Variants in PIAS2 observed in about 807,000 individuals in gnomAD.
The protein encoded by PIAS2 is E3 SUMO-protein ligase PIAS2.
Under a neutral mutation model 69.7 loss-of-function variants are expected in PIAS2, and 19 were observed. That is an observed-to-expected ratio of 0.27 (90% confidence interval 0.19 to 0.40). The LOEUF is 0.40. Ranked by LOEUF, PIAS2 falls within the 10% of genes least tolerant of loss-of-function variation. The pLI is 1.00. For missense variants in PIAS2, 624 were observed against 757.0 expected (o/e 0.82, Z 2.06); for synonymous variants, 261 against 263.2 (o/e 0.99, Z 0.08).
chr18:46,892,441 A>G (rs929638924), intron 1 of PIAS2, among the ~76,000 whole-genome samples: 4 of 152,148 alleles, frequency 2.6e-5, no homozygotes, highest in South Asian at 2.1e-4. Flanking sequence ...ACAAATTAAT[A>G]GAAGACACAC....
intron 2 of PIAS2, among the ~76,000 whole-genome samples, chr18:46,888,399 T>C (rs1261313664): frequency 6.6e-6 from 1 of 152,044 alleles, no homozygotes; most frequent in African/African-American, 2.4e-5. Flanking sequence ...AAACTCATTC[T>C]AAAATTCACG....
intron 5 of PIAS2, among the ~76,000 whole-genome samples, chr18:46,849,116 T>C (rs1200292634): frequency 6.6e-6 from 1 of 152,072 alleles, no homozygotes; most frequent in Non-Finnish European, 1.5e-5. Flanking sequence ...CTCTGGAAAT[T>C]AGAATTTAAG....
At chr18:46,834,451 T>C (rs951922286) in intron 9 of PIAS2, among the ~76,000 whole-genome samples, 1 of 152,168 alleles carries the variant, frequency 6.6e-6, no homozygotes, top group Admixed American at 6.5e-5. Context: ...AGCAAAATCT[T>C]TTTTAAAAAA....
chr18:46,841,594 A>G (rs2045393710), intron 8 of PIAS2, among the ~76,000 whole-genome samples: 1 of 152,216 alleles, frequency 6.6e-6, no homozygotes, highest in Admixed American at 6.5e-5. Flanking sequence ...TATATACCAC[A>G]TATTACAGTT....
intron 13 of PIAS2, 57 bp from the exon 14 acceptor site, chr18:46,812,669 G>A (rs982678979): frequency 6.0e-5 from 64 of 1,061,334 alleles, no homozygotes; most frequent in Non-Finnish European, 8.1e-5. Context: ...TTTAAATAAA[G>A]AGACTAGAAA....
intron 1 of PIAS2, among the ~76,000 whole-genome samples, chr18:46,912,097 G>GA (rs1390880279): frequency 6.6e-6 from 1 of 150,978 alleles, no homozygotes. Context: ...AGGGAGGAGG[G>GA]AAAAACAAAG....
In PIAS2 at chr18:46,805,554, A is replaced by G. The variant is rs1483350905; in HGVS notation, c.*6879T>C. The G allele has an allele frequency of 6.6e-6, 1 of 152,254 alleles. No individual in the cohort carries two copies. The highest frequency in any genetic ancestry group is 1.5e-5 in the Non-Finnish European group (1 of 68,062). 9.4% of individuals were successfully genotyped at this position (152,254 alleles called of 1,614,324 possible). A position where few individuals can be genotyped will look rare whatever the true frequency, so the allele number is the denominator to read the frequency against. On this transcript the variant is annotated 3_prime_UTR_variant, in exon 14 of 14. Transcript: ENST00000585916. ...TAACGATGCAGTAGGGGGGAAGGAC[A>G]GCAACCACTGTATCTTGAGATATGT...
chr18:46,813,877 C>A (rs1019287665), intron 13 of PIAS2, among the ~76,000 whole-genome samples: 2 of 152,200 alleles, frequency 1.3e-5, no homozygotes, highest in Non-Finnish European at 2.9e-5. Context: ...TCTTAAAGAG[C>A]TTCCAAGGAG....
upstream of PIAS2, chr18:46,920,032 G>C (rs2058446667): frequency 7.8e-7 from 1 of 1,286,112 alleles, no homozygotes; most frequent in Admixed American, 2.3e-5. Context: ...AGTAAGAAAA[G>C]AAAAGCAAAG....
intron 9 of PIAS2, among the ~76,000 whole-genome samples, chr18:46,833,524 T>C (rs922806644): frequency 1.3e-5 from 2 of 152,188 alleles, no homozygotes; most frequent in South Asian, 2.1e-4. Context: ...GTAGTTCTTA[T>C]GCCAAAAATG....
chr18:46,814,540 T>C (rs919709472), intron 13 of PIAS2, among the ~76,000 whole-genome samples: 1 of 152,194 alleles, frequency 6.6e-6, no homozygotes, highest in East Asian at 1.9e-4. Context: ...CTGCTGCTGT[T>C]CATGTAATCA....
At chr18:46,917,226 C>A in intron 1 of PIAS2, 96 bp downstream of exon 1, 1 of 1,392,750 alleles carries the variant, frequency 7.2e-7, no homozygotes, top group Middle Eastern at 1.9e-4. Flanking sequence ...CAACCGGCCC[C>A]AGAGGCACGA....
At chr18:46,881,674 G>A (rs1012223041) in intron 2 of PIAS2, among the ~76,000 whole-genome samples, 10 of 152,134 alleles carry the variant, frequency 6.6e-5, no homozygotes, top group African/African-American at 2.4e-4. Flanking sequence ...ACCTTTAGAT[G>A]TACAACTGAC....
At chr18:46,877,173 T>G (rs1018753959) in intron 2 of PIAS2, among the ~76,000 whole-genome samples, 1 of 152,180 alleles carries the variant, frequency 6.6e-6, no homozygotes, top group African/African-American at 2.4e-5. Flanking sequence ...TTAAAACCTT[T>G]TTCAATCTCC....
chr18:46,891,065 A>AG lies in PIAS2; in HGVS notation c.25-12dup. Reference sequence around the variant, plus strand: ...ACTAGAAACCATATTCTAAAAGGAAAGAAAAAAAAACATAAGCCAAGTCAC... The same window carrying AG: ...ACTAGAAACCATATTCTAAAAGGAAAGGAAAAAAAAACATAAGCCAAGTCAC... On this transcript the variant is annotated splice_polypyrimidine_tract_variant and intron_variant, in intron 1 of 13. Transcript: ENST00000585916. 1 of 1,536,100 alleles carries AG rather than the reference A, an allele frequency of 6.5e-7. No homozygotes were observed. Among genetic ancestry groups the AG allele is most frequent in the African/African-American group, 1.4e-5 (1 of 71,736 alleles).
intron 2 of PIAS2, among the ~76,000 whole-genome samples, chr18:46,882,192 T>G (rs531425655): frequency 1.3e-5 from 2 of 152,132 alleles, no homozygotes; most frequent in African/African-American, 4.8e-5. Context: ...TACAGTAAAT[T>G]AGAATATTAT....
At chr18:46,867,718 C>T (rs1189740247) in intron 2 of PIAS2, among the ~76,000 whole-genome samples, 1 of 152,322 alleles carries the variant, frequency 6.6e-6, no homozygotes, top group East Asian at 1.9e-4. Flanking sequence ...ACATTATCTC[C>T]CATCATGTCC....
chr18:46,829,115 G>T (rs1015677344), intron 10 of PIAS2, among the ~76,000 whole-genome samples: 20 of 152,166 alleles, frequency 1.3e-4, no homozygotes, highest in Non-Finnish European at 1.6e-4. Context: ...TCACGTGTGG[G>T]TTTCAATGAG....
At chr18:46,844,487 C>T (rs1370221919) in intron 7 of PIAS2, among the ~76,000 whole-genome samples, 2 of 151,920 alleles carry the variant, frequency 1.3e-5, no homozygotes, top group South Asian at 2.1e-4. Flanking sequence ...TGTTTGTTTC[C>T]AACAATTATT....
Sources: allele counts gnomAD v4.1 joint callset (sites outside exome capture counted in the v4.1 genomes callset), GRCh38; gene constraint gnomAD v4.1.1; transcripts MANE v1.5; gene names NCBI Gene and HGNC (gene_info 2026-07-23, HGNC 2026-07-21).